BBS5: variants seen among roughly 807,000 people sequenced by gnomAD.
The protein encoded by BBS5 is BBSome complex member BBS5.
BBS5 carries 39 observed loss-of-function variants against 50.2 expected under a neutral mutation model. The ratio of observed to expected loss-of-function variants is 0.78; its 90% CI spans 0.60 to 1.01. The LOEUF (loss-of-function observed/expected upper bound fraction) is 1.01. BBS5 is among the 50% of genes least tolerant of loss of function. The probability of loss-of-function intolerance (pLI) is 0.00; values close to 1 mark genes in which losing one functional copy is unlikely to be tolerated. For missense variants in BBS5, 356 were observed against 401.5 expected (o/e 0.89, Z 0.97); for synonymous variants, 134 against 133.1 (o/e 1.01, Z -0.05).
At chr2:169,503,243 T>C in intron 10 of BBS5, 65 bp downstream of exon 10, 1 of 1,304,626 alleles carries the variant, frequency 7.7e-7, no homozygotes, top group Admixed American at 1.9e-5. Context: ...TTTAATAAAA[T>C]AATGGTGTGT....
intron 9 of BBS5, among the ~76,000 whole-genome samples, chr2:169,502,265 A>C (rs1683822869): frequency 6.6e-6 from 1 of 152,098 alleles, no homozygotes; most frequent in African/African-American, 2.4e-5. Context: ...CATCACATTT[A>C]ATCTTCCCAA....
At chr2:169,498,700 GA>G (rs1177777518) in intron 8 of BBS5, among the ~76,000 whole-genome samples, 12 of 151,570 alleles carry the variant, frequency 7.9e-5, no homozygotes, top group African/African-American at 2.9e-4. Flanking sequence ...AGCTACTCCG[GA>G]GAGGCTGAGG....
chr2:169,487,758 T>G, intron 3 of BBS5, 48 bp from the exon 4 acceptor site: 1 of 1,383,510 alleles, frequency 7.2e-7, no homozygotes, highest in Non-Finnish European at 1.0e-6. Context: ...GTATTTTTTC[T>G]CAGTGTACCA....
At chr2:169,487,339 G>A (rs1683503667) in intron 3 of BBS5, among the ~76,000 whole-genome samples, 1 of 152,038 alleles carries the variant, frequency 6.6e-6, no homozygotes, top group Non-Finnish European at 1.5e-5. Flanking sequence ...GAAGATTAGG[G>A]CTTTAACCTT....
chr2:169,496,858 G>T (rs1683703674), intron 7 of BBS5, among the ~76,000 whole-genome samples: 1 of 151,406 alleles, frequency 6.6e-6, no homozygotes, highest in Non-Finnish European at 1.5e-5. Context: ...AACAGAGCGA[G>T]ACTCCGTCTC....
chr2:169,480,698 T>TG (rs1683375531), intron 1 of BBS5, among the ~76,000 whole-genome samples: 1 of 71,150 alleles, frequency 1.4e-5, no homozygotes, highest in African/African-American at 5.1e-5. Flanking sequence ...TTTTTTTTTT[T>TG]GAGACAGAGT....
Position 169,479,517 on chromosome 2 carries a change from C to A in BBS5, c.-37C>A, listed in dbSNP as rs373712659. On this transcript the variant is annotated 5_prime_UTR_variant, in exon 1 of 12. Coordinates refer to ENST00000295240, the MANE Select transcript of BBS5 (RefSeq NM_152384.3). ...CCAGAGAGACGCAGCTAGGCCTGCA[C>A]GGCTGTGGAGAGATCCTGCCACGGG... 10 of 1,612,622 alleles carry A rather than the reference C, an allele frequency of 6.2e-6. No homozygotes were observed. Among genetic ancestry groups the A allele is most frequent in the Middle Eastern group, 1.7e-4 (1 of 6,058 alleles).
intron 3 of BBS5, 27 bp from the exon 4 acceptor site, chr2:169,487,779 T>C: frequency 6.4e-7 from 1 of 1,567,960 alleles, no homozygotes; most frequent in Non-Finnish European, 8.8e-7. Context: ...TATCATGCTC[T>C]TTACATTCTT....
In BBS5 at chr2:169,504,621, T is replaced by C; in HGVS notation, c.*39T>C. 1 of 1,466,988 alleles carries C rather than the reference T, an allele frequency of 6.8e-7. No individual in the cohort carries two copies. The highest frequency in any genetic ancestry group is 1.4e-5 in the African/African-American group (1 of 72,090). The allele number at this position is 1,466,988 out of a possible 1,614,324, so 90.9% of individuals were successfully genotyped here. On this transcript the variant is annotated 3_prime_UTR_variant, in exon 12 of 12. Transcript: ENST00000295240. Reference sequence around the variant, plus strand: ...GAGATGGATTTCTATTAAAGATATCTCTAGTTTAAAGATACTAGTCACCTG... The same window carrying C: ...GAGATGGATTTCTATTAAAGATATCCCTAGTTTAAAGATACTAGTCACCTG...
intron 8 of BBS5, chr2:169,498,966 C>T (rs1056946449): frequency 6.3e-6 from 1 of 159,668 alleles, no homozygotes; most frequent in African/African-American, 2.4e-5. Context: ...AGTTTTTTAA[C>T]ACTCCTTTCA....
Position 169,493,723 on chromosome 2 carries a change from C to CA in BBS5, c.523-17dup. On this transcript the variant is annotated splice_polypyrimidine_tract_variant and intron_variant, in intron 6 of 11. Transcript: ENST00000295240. ...CAAAAAAATGATCATTTCGGTATCT[C>CA]ATTACTGTTTTTTACAGGGCAATTT... 6.6e-7 allele frequency: 1 copy of CA among 1,520,506 alleles called. No homozygotes were observed. The highest frequency in any genetic ancestry group is 9.1e-7 in the Non-Finnish European group (1 of 1,094,732). 94.2% of individuals were successfully genotyped at this position (1,520,506 alleles called of 1,614,324 possible).
intron 9 of BBS5, 37 bp from the exon 10 acceptor site, chr2:169,503,057 AT>A: frequency 1.4e-6 from 2 of 1,470,476 alleles, no homozygotes; most frequent in East Asian, 4.5e-5. Flanking sequence ...TACATTTAAT[AT>A]TGTCTCTGAT....
chr2:169,488,544 A>AC (rs891154278), intron 5 of BBS5, among the ~76,000 whole-genome samples: 7 of 151,952 alleles, frequency 4.6e-5, no homozygotes, highest in East Asian at 1.9e-4. Flanking sequence ...TTGCTCACTC[A>AC]CCCCCCAACC....
chr2:169,480,670 C>CTTTTTTTTTTTT (rs577688589), intron 1 of BBS5, among the ~76,000 whole-genome samples: 6 of 73,168 alleles, frequency 8.2e-5, no homozygotes, highest in African/African-American at 1.1e-4. Flanking sequence ...TTCTGTCATT[C>CTTTTTTTTTTTT]TTTTTTTTTT....
At position 169,487,808 on chromosome 2, in the gene BBS5, G is replaced by T; in HGVS notation, c.211G>T (p.Val71Phe). The T allele has an allele frequency of 6.2e-7, 1 of 1,606,476 alleles. No individual in the cohort carries two copies. Among genetic ancestry groups the T allele is most frequent in the Non-Finnish European group, 8.5e-7 (1 of 1,174,616 alleles). Residue 71 changes from valine to phenylalanine, a missense_variant and splice_region_variant, in exon 4 of 12, where the codon GTC (valine) becomes TTC (phenylalanine). Val to Phe is a conservative substitution (Grantham distance 50, BLOSUM62 -1). Transcript: ENST00000295240. Reference protein sequence around the residue: ...SLALSRVNVSVGYNCILNITT... With the variant: ...SLALSRVNVSFGYNCILNITT... Reference sequence around the variant, plus strand: ...CATTCTTTGCTTTTGGATTTTAGCTGTCGGTTACAATTGCATATTGAATAT... The same window carrying T: ...CATTCTTTGCTTTTGGATTTTAGCTTTCGGTTACAATTGCATATTGAATAT...
At chr2:169,493,095 C>G (rs1333535040) in intron 6 of BBS5, 86 bp downstream of exon 6, 1 of 1,478,816 alleles carries the variant, frequency 6.8e-7, no homozygotes, top group Non-Finnish European at 9.4e-7. Context: ...ATAGTCAATT[C>G]TAATTGTTAA....
rs1021721471 is a variant in BBS5, at chr2:169,503,410, G to A, written c.900+232G>A. 4.1e-4 allele frequency among the ~76,000 whole-genome samples: 63 copies of A among 152,190 alleles called. 2 individuals are homozygous for A. The highest frequency in any genetic ancestry group is 1.9e-3 in the East Asian group (10 of 5,180). Reference sequence around the variant, plus strand: ...TGCAGTGGCTCACACCTGTAAGCCCGGCACTTTGGAAGGCCGAGGTAGGCT... The same window carrying A: ...TGCAGTGGCTCACACCTGTAAGCCCAGCACTTTGGAAGGCCGAGGTAGGCT... On this transcript the variant is annotated intron_variant, in intron 10 of 11. Transcript: ENST00000295240.
intron 10 of BBS5, 151 bp from the exon 11 acceptor site, chr2:169,504,152 T>C: frequency 1.2e-5 from 9 of 729,648 alleles, no homozygotes; most frequent in Non-Finnish European, 1.2e-5. Context: ...CTACCAGCAT[T>C]GTAGAGATAG....
chr2:169,506,035 C>A lies in BBS5; in HGVS notation c.*1453C>A, dbSNP rs1382859713. Reference sequence around the variant, plus strand: ...CAGCCCCCCGCCCGGCTAGCCGCCCCGTCCGGGAGGCGAGGGGCGCCTCTG... The same window carrying A: ...CAGCCCCCCGCCCGGCTAGCCGCCCAGTCCGGGAGGCGAGGGGCGCCTCTG... On this transcript the variant is annotated 3_prime_UTR_variant, in exon 12 of 12. Coordinates refer to ENST00000295240, the MANE Select transcript of BBS5 (RefSeq NM_152384.3). 7.0e-6 allele frequency: 1 copy of A among 143,070 alleles called. No homozygotes were observed. Among genetic ancestry groups the A allele is most frequent in the Admixed American group, 7.1e-5 (1 of 13,988 alleles). The allele number at this position is 143,070 out of a possible 1,614,324, so 8.9% of individuals were successfully genotyped here.
Sources: allele counts gnomAD v4.1 joint callset (sites outside exome capture counted in the v4.1 genomes callset), GRCh38; gene constraint gnomAD v4.1.1; transcripts MANE v1.5; gene names NCBI Gene and HGNC (gene_info 2026-07-23, HGNC 2026-07-21).